The following TRAPPC13 variants were observed in gnomAD, a reference collection of about 807,000 sequenced individuals.
TRAPPC13 encodes the protein REV7-interacting novel NHEJ regulator 1.
TRAPPC13 carries 39 observed loss-of-function variants against 54.0 expected under a neutral mutation model. The observed-to-expected ratio is 0.72, with a 90% CI of 0.56 to 0.94. The LOEUF (loss-of-function observed/expected upper bound fraction) is 0.94, where lower values mean the gene tolerates loss of function less well. TRAPPC13 is among the 40% of genes least tolerant of loss of function. The probability of loss-of-function intolerance (pLI) is 0.00; values close to 1 mark genes in which losing one functional copy is unlikely to be tolerated. For missense variants in TRAPPC13, 386 were observed against 488.1 expected (o/e 0.79, Z 1.97); for synonymous variants, 148 against 167.7 (o/e 0.88, Z 0.91).
At chr5:65,629,651 A>T in intron 1 of TRAPPC13, 1 of 1,536,096 alleles carries the variant, frequency 6.5e-7, no homozygotes, top group East Asian at 2.4e-5. Flanking sequence ...ACTGCCAAAA[A>T]TTGCAGAAAA....
chr5:65,654,779 A>G (rs985139408), intron 7 of TRAPPC13, among the ~76,000 whole-genome samples: 1 of 152,240 alleles, frequency 6.6e-6, no homozygotes, highest in Non-Finnish European at 1.5e-5. Context: ...GTCTTCTAAG[A>G]TAGAAAAGCC....
chr5:65,660,217 G>T (rs972986448), intron 9 of TRAPPC13, among the ~76,000 whole-genome samples: 1 of 151,806 alleles, frequency 6.6e-6, no homozygotes, highest in Non-Finnish European at 1.5e-5. Flanking sequence ...TCTTATCTTT[G>T]ATAATTTTAG....
chr5:65,637,573 G>A lies in TRAPPC13; in HGVS notation c.216-123G>A. On this transcript the variant is annotated intron_variant, in intron 3 of 12. Transcript: ENST00000399438. The stretch of plus-strand genomic sequence containing the variant: ...GTGAACATGGGAGGCGGAGTTTGCA[G>A]TGAGCCTAGATCGTGCCACTGCACT... 3 of 486,290 alleles carry A rather than the reference G, an allele frequency of 6.2e-6. No homozygotes were observed. In the South Asian group the frequency reaches 6.5e-5, roughly 11 times the overall value. 30.1% of individuals were successfully genotyped at this position (486,290 alleles called of 1,614,324 possible).
In TRAPPC13 at chr5:65,666,052, A is replaced by C. The variant is rs1272830325; in HGVS notation, c.*1441A>C. On this transcript the variant is annotated 3_prime_UTR_variant, in exon 13 of 13. Transcript: ENST00000399438. ...TTAATGAAATGTCTGTACAAAATAA[A>C]GTGCAAGCAGTGTAAAATTGAAGTC... 6.6e-6 allele frequency: 1 copy of C among 152,620 alleles called. No individual in the cohort carries two copies. Among genetic ancestry groups the C allele is most frequent in the Non-Finnish European group, 1.5e-5 (1 of 67,984 alleles). 9.5% of individuals were successfully genotyped at this position (152,620 alleles called of 1,614,324 possible).
chr5:65,656,529 CTG>C (rs1373501459), intron 8 of TRAPPC13, among the ~76,000 whole-genome samples: 1 of 152,012 alleles, frequency 6.6e-6, no homozygotes, highest in Non-Finnish European at 1.5e-5. Flanking sequence ...ACTAAAGAAT[CTG>C]TTTTATTTTA....
intron 7 of TRAPPC13, among the ~76,000 whole-genome samples, chr5:65,655,204 G>C (rs1174486011): frequency 1.3e-5 from 2 of 152,194 alleles, no homozygotes; most frequent in African/African-American, 2.4e-5. Flanking sequence ...TCCTTAGAAA[G>C]ATGATTCCAT....
intron 1 of TRAPPC13, chr5:65,625,322 T>C (rs1480282290): frequency 3.5e-6 from 2 of 577,958 alleles, no homozygotes; most frequent in East Asian, 5.8e-5. Flanking sequence ...TAAATCGTTC[T>C]TTCTGATCTG....
chr5:65,652,640 C>T (rs7715887), intron 7 of TRAPPC13, 95 bp downstream of exon 7: 4 of 886,676 alleles, frequency 4.5e-6, no homozygotes, highest in South Asian at 1.3e-5. Context: ...TGAAGCAAAT[C>T]GCCAACGTGA....
At chr5:65,655,206 T>G (rs27144) in intron 7 of TRAPPC13, among the ~76,000 whole-genome samples, 95,169 of 152,048 alleles carry the variant, frequency 0.63, 30,117 homozygotes, top group African/African-American at 0.65. Context: ...CTTAGAAAGA[T>G]GATTCCATTA....
intron 4 of TRAPPC13, among the ~76,000 whole-genome samples, chr5:65,645,897 A>G (rs971310208): frequency 6.6e-6 from 1 of 151,784 alleles, no homozygotes; most frequent in Non-Finnish European, 1.5e-5. Flanking sequence ...AATTCCCATG[A>G]CCTAATGTGA....
At chr5:65,634,988 C>A in intron 1 of TRAPPC13, 1 of 879,010 alleles carries the variant, frequency 1.1e-6, no homozygotes, top group Non-Finnish European at 1.4e-6. Context: ...TTTTTAAAGC[C>A]TTATGCTCCT....
chr5:65,627,251 A>T (rs554740446), intron 1 of TRAPPC13, among the ~76,000 whole-genome samples: 2 of 151,822 alleles, frequency 1.3e-5, no homozygotes, highest in Non-Finnish European at 2.9e-5. Flanking sequence ...TAGTTAACCC[A>T]TTGTTCTAGT....
At chr5:65,652,600 C>A in intron 7 of TRAPPC13, 55 bp downstream of exon 7, 1 of 1,245,764 alleles carries the variant, frequency 8.0e-7, no homozygotes, top group Non-Finnish European at 1.2e-6. Flanking sequence ...TCGTATTTGA[C>A]TAAAAATCTC....
At chr5:65,633,315 CT>C (rs1561763531) in intron 1 of TRAPPC13, among the ~76,000 whole-genome samples, 1 of 151,360 alleles carries the variant, frequency 6.6e-6, no homozygotes, top group African/African-American at 2.4e-5. Context: ...GGGTCTTGCT[CT>C]GTTGCCCAGG....
intron 5 of TRAPPC13, among the ~76,000 whole-genome samples, chr5:65,650,563 T>C (rs1320803126): frequency 6.6e-6 from 1 of 152,216 alleles, no homozygotes; most frequent in Non-Finnish European, 1.5e-5. Flanking sequence ...TATTTCACCT[T>C]TCAGGTGAAG....
chr5:65,650,403 C>T (rs1039470267), intron 5 of TRAPPC13, among the ~76,000 whole-genome samples: 1 of 152,032 alleles, frequency 6.6e-6, no homozygotes, highest in Non-Finnish European at 1.5e-5. Flanking sequence ...CTCAAGTGAT[C>T]CGCCCGCCTT....
At chr5:65,652,447 A>C in intron 6 of TRAPPC13, 54 bp from the exon 7 acceptor site, 1 of 1,264,052 alleles carries the variant, frequency 7.9e-7, no homozygotes, top group African/African-American at 1.5e-5. Flanking sequence ...TTAAATAAAT[A>C]AATAAATGGT....
intron 9 of TRAPPC13, among the ~76,000 whole-genome samples, chr5:65,659,804 C>T (rs1756781022): frequency 6.6e-6 from 1 of 151,784 alleles, no homozygotes; most frequent in Non-Finnish European, 1.5e-5. Flanking sequence ...GGCAACTTGG[C>T]ATTTTTTTTA....
intron 11 of TRAPPC13, chr5:65,663,584 C>T (rs1047500441): frequency 6.6e-6 from 1 of 151,950 alleles, no homozygotes; most frequent in South Asian, 2.1e-4. Flanking sequence ...CATAAGTAGC[C>T]GTGAATGGTG....
Sources: gnomAD v4.1 joint callset for allele counts (sites outside exome capture counted in the v4.1 genomes callset) on GRCh38, gnomAD v4.1.1 for gene constraint, MANE v1.5 for transcripts, NCBI Gene and HGNC (gene_info 2026-07-23, HGNC 2026-07-21) for gene names.